TPO: variants seen among roughly 807,000 people sequenced by gnomAD.
TPO encodes thyroid peroxidase.
Under a neutral mutation model 96.9 loss-of-function variants are expected in TPO, and 78 were observed. The observed-to-expected ratio is 0.81, with a 90% confidence interval of 0.67 to 0.97. The LOEUF (loss-of-function observed/expected upper bound fraction) is 0.97. Ranked by LOEUF, TPO falls within the 50% of genes least tolerant of loss-of-function variation. The pLI is 0.00. For missense variants in TPO, 1,252 were observed against 1,274.8 expected, an observed-to-expected ratio of 0.98 and a Z score of 0.27; for synonymous variants, 547 against 538.0, an observed-to-expected ratio of 1.02 and a Z score of -0.23.
chr2:1,487,402 T>G (rs7574221), intron 9 of TPO, among the ~76,000 whole-genome samples: 1 of 151,922 alleles, frequency 6.6e-6, no homozygotes, highest in Non-Finnish European at 1.5e-5. Context: ...TCACACAAGC[T>G]GAATTCATGA....
chr2:1,425,082 G>A (rs1361078031), intron 3 of TPO, among the ~76,000 whole-genome samples: 2 of 148,776 alleles, frequency 1.3e-5, no homozygotes, highest in African/African-American at 5.0e-5. Context: ...AGATGAGTTT[G>A]ATTATTTCAT....
chr2:1,542,699 C>A lies in TPO; in HGVS notation c.*225C>A. On this transcript the variant is annotated 3_prime_UTR_variant, in exon 17 of 17. Transcript: ENST00000329066. ...ATTGCCTGATTTGTTCCTTCTGGGGCTTTGCCATTAAAATGTATTTACAGA... is the reference window on the plus strand; with the variant it reads ...ATTGCCTGATTTGTTCCTTCTGGGGATTTGCCATTAAAATGTATTTACAGA... 1 of 1,345,450 alleles carries A rather than the reference C, an allele frequency of 7.4e-7. No homozygotes were observed. 83.3% of individuals were successfully genotyped at this position (1,345,450 alleles called of 1,614,324 possible).
At chr2:1,455,694 G>A (rs531148230) in intron 6 of TPO, among the ~76,000 whole-genome samples, 1 of 152,368 alleles carries the variant, frequency 6.6e-6, no homozygotes, top group East Asian at 1.9e-4. Context: ...GTACTCGCTT[G>A]TGGCTGGAGG....
intron 2 of TPO, among the ~76,000 whole-genome samples, chr2:1,418,655 G>A (rs562338912): frequency 6.6e-6 from 1 of 152,206 alleles, no homozygotes; most frequent in African/African-American, 2.4e-5. Flanking sequence ...CAGGCTGAGA[G>A]GCATTCCAGC....
At chr2:1,484,467 C>T in intron 8 of TPO, 129 bp from the exon 9 acceptor site, 1 of 1,203,310 alleles carries the variant, frequency 8.3e-7, no homozygotes. Flanking sequence ...CAGCTGAGGC[C>T]CTTATTACAA....
At chr2:1,433,111 A>G (rs1266260806) in intron 3 of TPO, among the ~76,000 whole-genome samples, 1 of 152,108 alleles carries the variant, frequency 6.6e-6, no homozygotes, top group Non-Finnish European at 1.5e-5. Flanking sequence ...TAAACAAATC[A>G]TATCTTGGTT....
At chr2:1,447,428 A>C (rs536170637) in intron 5 of TPO, among the ~76,000 whole-genome samples, 1 of 152,208 alleles carries the variant, frequency 6.6e-6, no homozygotes, top group Non-Finnish European at 1.5e-5. Context: ...ACCAGTGTAC[A>C]TCTTACATGT....
At chr2:1,526,737 A>T in intron 15 of TPO, among the ~76,000 whole-genome samples, 1 of 96,084 alleles carries the variant, frequency 1.0e-5, no homozygotes, top group Non-Finnish European at 1.9e-5. Flanking sequence ...AATGTGTGCA[A>T]CATCCTCAAA....
chr2:1,448,916 C>T (rs1220685123), intron 5 of TPO, among the ~76,000 whole-genome samples: 2 of 152,144 alleles, frequency 1.3e-5, no homozygotes, highest in African/African-American at 2.4e-5. Flanking sequence ...CCCTGACGCC[C>T]GGCTTCCCAA....
Position 1,484,527 on chromosome 2 carries a change from C to T in TPO, c.1339-69C>T, listed in dbSNP as rs993620771. 1.0e-5 allele frequency: 16 copies of T among 1,606,114 alleles called. No individual in the cohort carries two copies. In the African/African-American group the frequency reaches 1.2e-4, roughly 12 times the overall value. On this transcript the variant is annotated intron_variant, in intron 8 of 16. Transcript: ENST00000329066. ...GGCTGTCAAGGAAGATGCTCTTCCA[C>T]ACTGCCGCTCGAGGCGACCCTCCTC...
intron 13 of TPO, 32 bp downstream of exon 13, chr2:1,496,797 C>T (rs367597858): frequency 3.1e-6 from 5 of 1,613,786 alleles, no homozygotes; most frequent in Middle Eastern, 1.7e-4. Flanking sequence ...AATTACAAAA[C>T]ATCTGAATGT....
At chr2:1,534,424 TGCAGCCTCACAAAATTACCCCCA>T (rs1679061293) in intron 15 of TPO, among the ~76,000 whole-genome samples, 1 of 76,212 alleles carries the variant, frequency 1.3e-5, no homozygotes, top group East Asian at 5.1e-4. Flanking sequence ...CCCCACCCTG[TGCAGCCTCACAAAATTACCCCCA>T]GTGCAATCTC....
chr2:1,388,907 G>A (rs1661949778), intron 1 of TPO, among the ~76,000 whole-genome samples: 2 of 152,146 alleles, frequency 1.3e-5, no homozygotes, highest in Non-Finnish European at 1.5e-5. Flanking sequence ...TCCTAGACGG[G>A]TCAGAATTCT....
At chr2:1,530,147 CCACT>C (rs764917097) in intron 15 of TPO, among the ~76,000 whole-genome samples, 65 of 120,378 alleles carry the variant, frequency 5.4e-4, no homozygotes, top group Non-Finnish European at 9.9e-4. Flanking sequence ...AAAATCTCCC[CCACT>C]ATGTGCAACC....
intron 2 of TPO, among the ~76,000 whole-genome samples, chr2:1,416,346 T>C (rs1052564522): frequency 6.6e-6 from 1 of 152,218 alleles, no homozygotes; most frequent in African/African-American, 2.4e-5. Context: ...GACCTGGTTG[T>C]ATAAAACCAG....
intron 1 of TPO, among the ~76,000 whole-genome samples, chr2:1,399,871 C>T (rs776444672): frequency 4.6e-5 from 7 of 152,200 alleles, no homozygotes; most frequent in Non-Finnish European, 1.0e-4. Flanking sequence ...CAGGAAAATC[C>T]TTACATGGAA....
intron 10 of TPO, among the ~76,000 whole-genome samples, chr2:1,490,689 C>T (rs912288247): frequency 1.1e-4 from 17 of 152,180 alleles, no homozygotes; most frequent in Non-Finnish European, 1.6e-4. Flanking sequence ...CTGGAGGCAT[C>T]GATGCACCAG....
chr2:1,439,568 T>G (rs1294714389), intron 5 of TPO, among the ~76,000 whole-genome samples: 4 of 152,030 alleles, frequency 2.6e-5, no homozygotes, highest in Non-Finnish European at 4.4e-5. Context: ...AAGCAGACTT[T>G]TAGCCACTTG....
chr2:1,468,271 T>G (rs1162334206), intron 7 of TPO, among the ~76,000 whole-genome samples: 1 of 152,160 alleles, frequency 6.6e-6, no homozygotes, highest in Non-Finnish European at 1.5e-5. Flanking sequence ...TTTGCTGGTT[T>G]TTTTAATTGT....
Sources: allele counts gnomAD v4.1 joint callset (sites outside exome capture counted in the v4.1 genomes callset), GRCh38; gene constraint gnomAD v4.1.1; transcripts MANE v1.5; gene names NCBI Gene and HGNC (gene_info 2026-07-23, HGNC 2026-07-21).